Variants in TENM2 observed in about 807,000 individuals in gnomAD.
The protein encoded by TENM2 is teneurin transmembrane protein 2.
TENM2 carries 52 observed loss-of-function variants against 245.2 expected under a neutral mutation model. The observed-to-expected ratio is 0.21, with a 90% CI of 0.17 to 0.27. TENM2 has a LOEUF of 0.27. Ranked by LOEUF, TENM2 falls within the 10% of genes least tolerant of loss-of-function variation. The pLI is 1.00. For missense variants in TENM2, 3,046 were observed against 3,666.8 expected (o/e 0.83, Z 4.37); for synonymous variants, 1,363 against 1,438.9 (o/e 0.95, Z 1.19).
chr5:167,384,559 C>T (rs1761300190), intron 2 of TENM2, among the ~76,000 whole-genome samples: 1 of 152,060 alleles, frequency 6.6e-6, no homozygotes, highest in African/African-American at 2.4e-5. Flanking sequence ...ATCAGATGAC[C>T]AAGAGCTGTG....
chr5:168,242,918 C>T (rs1332096948), intron 25 of TENM2, among the ~76,000 whole-genome samples: 1 of 151,554 alleles, frequency 6.6e-6, no homozygotes, highest in Non-Finnish European at 1.5e-5. Context: ...GATTGCACCA[C>T]TGCACTCCAG....
chr5:167,452,964 T>TTTAAATATATATATATATTTAAAA (rs1554157789), intron 2 of TENM2, among the ~76,000 whole-genome samples: 3 of 108,224 alleles, frequency 2.8e-5, no homozygotes, highest in Non-Finnish European at 5.5e-5. Flanking sequence ...TATATATATT[T>TTTAAATATATATATATATTTAAAA]AAAAAAAAAA....
chr5:168,188,084 C>T lies in TENM2; in HGVS notation c.2570-2253C>T, dbSNP rs569547044. ...TGCAACCTCCTAATTTGTTTGTTTG[C>T]TAAAAAGAAAGTAATGCATTAAAAT... On this transcript the variant is annotated intron_variant, in intron 13 of 28. Transcript: ENST00000518659. Among the ~76,000 whole-genome samples, 11 of 152,142 alleles carry T rather than the reference C, an allele frequency of 7.2e-5. No homozygotes were observed. The South Asian group carries it at 1.0e-3, about 14-fold the overall frequency.
At chr5:168,008,412 C>T (rs1266887650) in intron 5 of TENM2, among the ~76,000 whole-genome samples, 2 of 152,044 alleles carry the variant, frequency 1.3e-5, no homozygotes, top group East Asian at 1.9e-4. Context: ...AGTTCATAAG[C>T]GGGAGTATAA....
intron 12 of TENM2, among the ~76,000 whole-genome samples, chr5:168,139,311 C>G (rs926446208): frequency 6.6e-6 from 1 of 152,082 alleles, no homozygotes; most frequent in Non-Finnish European, 1.5e-5. Context: ...TCTTTTAATC[C>G]TCTGTATATG....
intron 1 of TENM2, among the ~76,000 whole-genome samples, chr5:167,292,342 G>A (rs1168694778): frequency 6.6e-6 from 1 of 152,122 alleles, no homozygotes; most frequent in Non-Finnish European, 1.5e-5. Context: ...CAGCTTTGGG[G>A]AATGGTATCA....
intron 3 of TENM2, among the ~76,000 whole-genome samples, chr5:167,887,781 G>A (rs746340695): frequency 2.0e-5 from 3 of 152,172 alleles, no homozygotes; most frequent in Non-Finnish European, 2.9e-5. Flanking sequence ...AAAGTACCAC[G>A]AACTAGGTGG....
chr5:168,196,460 T>G (rs751132976), intron 15 of TENM2, among the ~76,000 whole-genome samples: 1 of 152,152 alleles, frequency 6.6e-6, no homozygotes, highest in African/African-American at 2.4e-5. Context: ...GGGGTTTTTT[T>G]GTTTGTTTGT....
At chr5:168,124,912 A>C in exon 11 of TENM2, 1 of 1,613,190 alleles carries the variant, frequency 6.2e-7, no homozygotes, top group Non-Finnish European at 8.5e-7. Context: ...ATGCCTGTGC[A>C]GCCCTGGCTG....
chr5:167,165,777 G>A, the TENM2 span, among the ~76,000 whole-genome samples: 5 of 152,068 alleles, frequency 3.3e-5, no homozygotes, highest in African/African-American at 1.2e-4. Context: ...AATAAGACAA[G>A]ATGTACAAAT....
At chr5:167,078,331 A>G in the TENM2 span, among the ~76,000 whole-genome samples, 1 of 152,042 alleles carries the variant, frequency 6.6e-6, no homozygotes, top group African/African-American at 2.4e-5. Flanking sequence ...TAAAAATACA[A>G]AATTAGCCAG....
At chr5:167,002,839 A>T in the TENM2 span, among the ~76,000 whole-genome samples, 2 of 152,218 alleles carry the variant, frequency 1.3e-5, no homozygotes, top group Admixed American at 6.5e-5. Flanking sequence ...TTCAGGTAGG[A>T]CTAGCCTATT....
chr5:168,252,847 C>CAA (rs967237225), intron 27 of TENM2, among the ~76,000 whole-genome samples: 7 of 122,172 alleles, frequency 5.7e-5, no homozygotes, highest in African/African-American at 1.2e-4. Context: ...AACTCAGTCT[C>CAA]AAAAAAAAAA....
chr5:167,809,046 A>G (rs1766439776), intron 2 of TENM2, among the ~76,000 whole-genome samples: 1 of 152,180 alleles, frequency 6.6e-6, no homozygotes, highest in Non-Finnish European at 1.5e-5. Flanking sequence ...AGAAATGTAT[A>G]AGATAACATC....
At chr5:167,837,683 G>A (rs1769127227) in intron 2 of TENM2, among the ~76,000 whole-genome samples, 2 of 152,082 alleles carry the variant, frequency 1.3e-5, no homozygotes, top group African/African-American at 4.8e-5. Flanking sequence ...TAAATTCTCT[G>A]TGCTTTTTAA....
At chr5:167,400,349 G>A (rs908853299) in intron 2 of TENM2, among the ~76,000 whole-genome samples, 1 of 152,070 alleles carries the variant, frequency 6.6e-6, no homozygotes, top group African/African-American at 2.4e-5. Context: ...CATAGAGAGA[G>A]GGAGGATTCT....
chr5:167,590,400 T>C (rs552245200), intron 2 of TENM2, among the ~76,000 whole-genome samples: 25 of 152,226 alleles, frequency 1.6e-4, no homozygotes, highest in African/African-American at 5.8e-4. Flanking sequence ...ATAATGACAT[T>C]AACTTGCTAA....
At chr5:167,348,456 G>A (rs1188871911) in intron 1 of TENM2, among the ~76,000 whole-genome samples, 1 of 152,156 alleles carries the variant, frequency 6.6e-6, no homozygotes, top group East Asian at 1.9e-4. Context: ...GCTTATCCTG[G>A]CGACAGCTTG....
intron 2 of TENM2, among the ~76,000 whole-genome samples, chr5:167,768,076 A>G (rs1763157234): frequency 6.6e-6 from 1 of 152,128 alleles, no homozygotes; most frequent in South Asian, 2.1e-4. Context: ...CTTATTAGTA[A>G]TGCGCGTCTT....
Sources: gnomAD v4.1 joint callset for allele counts (sites outside exome capture counted in the v4.1 genomes callset) on GRCh38, gnomAD v4.1.1 for gene constraint, MANE v1.5 for transcripts, NCBI Gene and HGNC (gene_info 2026-07-23, HGNC 2026-07-21) for gene names.